The following ANKRD26 variants were observed in gnomAD, a reference collection of about 807,000 sequenced individuals.
ANKRD26 encodes ankyrin repeat domain-containing protein 26.
In ANKRD26, 141 loss-of-function variants were observed where a neutral mutation model predicts 208.7. The observed-to-expected ratio is 0.68, with a 90% CI of 0.59 to 0.78. ANKRD26 has a LOEUF of 0.78. Among genes scored for constraint, ANKRD26 ranks in the 30% least tolerant of loss-of-function variants. ANKRD26 has a pLI of 0.00. For missense variants in ANKRD26, 1,889 were observed against 1,938.7 expected (o/e 0.97, Z 0.48); for synonymous variants, 636 against 660.4 (o/e 0.96, Z 0.57).
chr10:26,976,326 T>C (rs1015504249), intron 5 of ANKRD26, among the ~76,000 whole-genome samples: 5 of 152,136 alleles, frequency 3.3e-5, no homozygotes, highest in Non-Finnish European at 4.4e-5. Flanking sequence ...GCGATTCTCC[T>C]GCCTCAGCCT....
chr10:27,086,813 C>A (rs549566362), intron 4 of ANKRD26, among the ~76,000 whole-genome samples: 3 of 142,544 alleles, frequency 2.1e-5, no homozygotes, highest in African/African-American at 7.9e-5. Context: ...ACTCTGTCAC[C>A]CAGGCTGGAG....
chr10:27,032,805 ACT>A (rs2053916369), intron 25 of ANKRD26, among the ~76,000 whole-genome samples: 1 of 151,404 alleles, frequency 6.6e-6, no homozygotes, highest in Non-Finnish European at 1.5e-5. Flanking sequence ...ACAGAGTGAG[ACT>A]CTGTCTCAAA....
At chr10:27,060,624 G>C in intron 13 of ANKRD26, 84 bp from the exon 14 acceptor site, 1 of 1,011,840 alleles carries the variant, frequency 9.9e-7, no homozygotes, top group South Asian at 1.5e-5. Context: ...AGTATGACCA[G>C]AATCATCACG....
chr10:27,010,520 G>A (rs924710782), intron 32 of ANKRD26, among the ~76,000 whole-genome samples: 4 of 152,148 alleles, frequency 2.6e-5, no homozygotes, highest in Admixed American at 6.6e-5. Flanking sequence ...TTTTGAGACA[G>A]GGTCTCACTC....
chr10:27,037,047 C>T lies in ANKRD26; in HGVS notation c.2697+139G>A, dbSNP rs1031461366. ...TTATCCAATGGACCAAAAACACTAC[C>T]ACTACCCCAAGATACACATATATGG... On this transcript the variant is annotated intron_variant, in intron 23 of 33. Coordinates refer to ENST00000376087, the MANE Select transcript of ANKRD26 (RefSeq NM_014915.3). 8.8e-6 allele frequency: 7 copies of T among 799,074 alleles called. No homozygotes were observed. The Admixed American group carries it at 1.4e-4, about 16-fold the overall frequency. The allele number at this position is 799,074 out of a possible 1,614,324, so 49.5% of individuals were successfully genotyped here. A position where few individuals can be genotyped will look rare whatever the true frequency, so the allele number is the denominator to read the frequency against.
intron 15 of ANKRD26, among the ~76,000 whole-genome samples, chr10:27,056,565 G>A (rs865961935): frequency 3.3e-5 from 5 of 150,628 alleles, no homozygotes; most frequent in Middle Eastern, 3.4e-3. Context: ...ATTACCTGAG[G>A]TCAGGAGTTC....
chr10:26,954,579 T>C, the ANKRD26 span, among the ~76,000 whole-genome samples: 1 of 152,232 alleles, frequency 6.6e-6, no homozygotes, highest in Non-Finnish European at 1.5e-5. Context: ...TGGATTTCTA[T>C]TATGTTTATT....
At chr10:27,033,172 T>A in intron 25 of ANKRD26, 53 bp downstream of exon 25, 2 of 1,435,576 alleles carry the variant, frequency 1.4e-6, no homozygotes, top group Middle Eastern at 2.1e-4. Flanking sequence ...TAAAACACTA[T>A]ATATTTAACC....
chr10:26,985,444 C>G (rs2134639305), intron 3 of ANKRD26, among the ~76,000 whole-genome samples: 1 of 152,158 alleles, frequency 6.6e-6, no homozygotes, highest in East Asian at 1.9e-4. Flanking sequence ...GACAGGTATC[C>G]CCCTTTCTGT....
At chr10:27,043,826 C>T (rs2054348704) in intron 19 of ANKRD26, among the ~76,000 whole-genome samples, 1 of 151,808 alleles carries the variant, frequency 6.6e-6, no homozygotes, top group South Asian at 2.1e-4. Flanking sequence ...GGGTCTCGCT[C>T]TATCACCCAG....
Position 27,082,984 on chromosome 10 carries a change from T to C in ANKRD26, c.710-151A>G, listed in dbSNP as rs746631307. 503 of 1,194,532 alleles carry C rather than the reference T, an allele frequency of 4.2e-4. 1 individual carries two copies. The highest frequency in any genetic ancestry group is 7.7e-4 in the Admixed American group (26 of 33,800). The allele number at this position is 1,194,532 out of a possible 1,614,324, so 74.0% of individuals were successfully genotyped here. ...ATTAATATCCTCTATAAATATTCCA[T>C]TATACTCACATGTATAGAAAAAAGT... On this transcript the variant is annotated intron_variant, in intron 5 of 33. Transcript: ENST00000376087.
rs1380845502 is a variant in ANKRD26, at chr10:27,061,085, A to G, written c.1462+59T>C. ...TCAGAGAAAGTGTTCTGAATTGATC[A>G]GCTTGGATATACACTTGTAGAATAA... On this transcript the variant is annotated intron_variant, in intron 13 of 33. Transcript: ENST00000376087. The G allele has an allele frequency of 2.5e-6, 3 of 1,223,474 alleles. No individual in the cohort carries two copies. In the East Asian group the frequency reaches 7.0e-5, roughly 29 times the overall value. The allele number at this position is 1,223,474 out of a possible 1,614,324, so 75.8% of individuals were successfully genotyped here.
chr10:27,042,798 C>CAAAAAAAAAA (rs60850386), intron 20 of ANKRD26, among the ~76,000 whole-genome samples: 158 of 48,616 alleles, frequency 3.2e-3, no homozygotes, highest in Non-Finnish European at 3.9e-3. Flanking sequence ...CAAAAAAATA[C>CAAAAAAAAAA]AAAAAAAAAA....
intron 15 of ANKRD26, among the ~76,000 whole-genome samples, chr10:27,056,779 AAAAAT>A (rs1406384193): frequency 6.6e-6 from 1 of 152,132 alleles, no homozygotes; most frequent in African/African-American, 2.4e-5. Context: ...TTCTGTCTCA[AAAAAT>A]AAAATAAAAA....
intron 23 of ANKRD26, among the ~76,000 whole-genome samples, chr10:27,036,011 T>C (rs2054031632): frequency 6.6e-6 from 1 of 152,032 alleles, no homozygotes; most frequent in African/African-American, 2.4e-5. Context: ...ATCACAGAAT[T>C]GGAAAGGCCT....
At chr10:26,961,743 G>C in the ANKRD26 span, among the ~76,000 whole-genome samples, 2 of 152,080 alleles carry the variant, frequency 1.3e-5, no homozygotes, top group Non-Finnish European at 2.9e-5. Flanking sequence ...AGGGTCTAGG[G>C]ATTAAATTAG....
At chr10:26,980,558 T>C (rs998284509) in intron 5 of ANKRD26, among the ~76,000 whole-genome samples, 21 of 152,232 alleles carry the variant, frequency 1.4e-4, no homozygotes, top group Admixed American at 1.3e-3. Flanking sequence ...TGAAAGACCA[T>C]CACTGGGGTT....
chr10:27,044,416 C>G (rs943257207), intron 18 of ANKRD26, among the ~76,000 whole-genome samples: 2 of 151,548 alleles, frequency 1.3e-5, no homozygotes, highest in African/African-American at 4.8e-5. Context: ...GAAAAATATA[C>G]TAACAATATC....
At chr10:27,075,666 C>T (rs983489664) in intron 9 of ANKRD26, among the ~76,000 whole-genome samples, 1 of 152,164 alleles carries the variant, frequency 6.6e-6, no homozygotes, top group Non-Finnish European at 1.5e-5. Flanking sequence ...GACTTCAACA[C>T]TCCACTGACA....
Sources: allele counts gnomAD v4.1 joint callset (sites outside exome capture counted in the v4.1 genomes callset), GRCh38; gene constraint gnomAD v4.1.1; transcripts MANE v1.5; gene names NCBI Gene and HGNC (gene_info 2026-07-23, HGNC 2026-07-21).